ASTN2: variants seen among roughly 807,000 people sequenced by gnomAD.
ASTN2 encodes the protein astrotactin-2.
Under a neutral mutation model 139.8 loss-of-function variants are expected in ASTN2, and 54 were observed. The ratio of observed to expected loss-of-function variants is 0.39; its 90% confidence interval spans 0.31 to 0.48. ASTN2 has a LOEUF of 0.48. Among genes scored for constraint, ASTN2 ranks in the 20% least tolerant of loss-of-function variants. The pLI is 0.95. For missense variants in ASTN2, 1,565 were observed against 1,725.1 expected, an observed-to-expected ratio of 0.91 and a Z score of 1.64; for synonymous variants, 756 against 719.5, an observed-to-expected ratio of 1.05 and a Z score of -0.81.
chr9:116,801,598 AAAAAAAAAAAAAAAAGAAAGAAAG>A (rs1406844565), intron 13 of ASTN2, among the ~76,000 whole-genome samples: 3 of 149,132 alleles, frequency 2.0e-5, no homozygotes, highest in African/African-American at 7.4e-5. Flanking sequence ...AAAAAAAAAA[AAAAAAAAAAAAAAAAGAAAGAAAG>A]AAAAAGAAAG....
chr9:117,154,101 T>G (rs767093729), intron 3 of ASTN2, among the ~76,000 whole-genome samples: 1 of 152,068 alleles, frequency 6.6e-6, no homozygotes, highest in African/African-American at 2.4e-5. Flanking sequence ...ATTAAACATA[T>G]GTAAGTCAAC....
chr9:116,799,710 G>GGT (rs372150988), intron 13 of ASTN2, among the ~76,000 whole-genome samples: 2 of 146,762 alleles, frequency 1.4e-5, no homozygotes, highest in East Asian at 2.2e-4. Flanking sequence ...AGAGAGTGGG[G>GGT]GGGGGGAGAA....
intron 5 of ASTN2, among the ~76,000 whole-genome samples, chr9:117,071,306 T>C (rs1017911647): frequency 1.2e-3 from 175 of 151,874 alleles, no homozygotes; most frequent in African/African-American, 4.0e-3. Flanking sequence ...GGGGGGTGCC[T>C]CCCAGTTAGG....
intron 1 of ASTN2, among the ~76,000 whole-genome samples, chr9:117,382,238 G>A (rs1830292961): frequency 6.6e-6 from 1 of 152,148 alleles, no homozygotes; most frequent in Non-Finnish European, 1.5e-5. Flanking sequence ...TGATGGGGTT[G>A]GCATGTGTGT....
intron 16 of ASTN2, chr9:116,697,571 T>C: frequency 2.5e-6 from 2 of 808,482 alleles, no homozygotes; most frequent in African/African-American, 1.7e-5. Context: ...AATGACTGAA[T>C]GACTGGTCAT....
At chr9:117,393,387 T>C (rs1466925664) in intron 1 of ASTN2, among the ~76,000 whole-genome samples, 1 of 150,918 alleles carries the variant, frequency 6.6e-6, no homozygotes, top group Non-Finnish European at 1.5e-5. Context: ...CACACAGATG[T>C]AGAGAAAGAG....
chr9:117,287,935 G>A (rs1834490801), intron 2 of ASTN2, among the ~76,000 whole-genome samples: 1 of 152,100 alleles, frequency 6.6e-6, no homozygotes, highest in East Asian at 1.9e-4. Flanking sequence ...AGATTGGTAT[G>A]ATCAGTTTTG....
At chr9:117,302,309 C>T (rs1246700209) in intron 1 of ASTN2, among the ~76,000 whole-genome samples, 1 of 152,074 alleles carries the variant, frequency 6.6e-6, no homozygotes, top group East Asian at 1.9e-4. Flanking sequence ...AATGATCTAT[C>T]CCACCCATTT....
At chr9:116,480,442 C>G (rs572807859) in intron 20 of ASTN2, among the ~76,000 whole-genome samples, 1 of 152,096 alleles carries the variant, frequency 6.6e-6, no homozygotes, top group East Asian at 1.9e-4. Flanking sequence ...TCAAATAATT[C>G]GACAAAGATT....
intron 13 of ASTN2, among the ~76,000 whole-genome samples, chr9:116,752,438 A>T (rs1477789480): frequency 2.0e-5 from 3 of 152,210 alleles, no homozygotes; most frequent in Admixed American, 6.5e-5. Context: ...TCTAGGAGAT[A>T]ATATAGGAGA....
At chr9:117,363,449 C>G (rs976979753) in intron 1 of ASTN2, among the ~76,000 whole-genome samples, 4 of 152,174 alleles carry the variant, frequency 2.6e-5, no homozygotes, top group African/African-American at 9.7e-5. Context: ...GGTAACACAG[C>G]ATCTTTATGG....
At chr9:117,079,610 A>G (rs1828371906) in intron 5 of ASTN2, among the ~76,000 whole-genome samples, 1 of 152,140 alleles carries the variant, frequency 6.6e-6, no homozygotes, top group Non-Finnish European at 1.5e-5. Flanking sequence ...TTTCAACTGG[A>G]TATTTACTTT....
rs10983284 is a variant in ASTN2 at position 116,635,277 on chromosome 9, A to G, written c.3073-14834T>C. 0.019 allele frequency among the ~76,000 whole-genome samples: 2,901 copies of G among 152,262 alleles called. 393 individuals carry two copies. The South Asian group carries it at 0.29, about 15-fold the overall frequency. On this transcript the variant is annotated intron_variant, in intron 17 of 22. Coordinates refer to ENST00000313400, the MANE Select transcript of ASTN2 (RefSeq NM_001365068.1). ...ACATCTAAGAAAACGGAGCTCAGGT[A>G]GGCTAAGTTGAATGTACAATGTCAT... is the stretch of plus-strand genomic sequence containing the variant.
At chr9:116,748,636 A>G (rs1444516683) in intron 13 of ASTN2, among the ~76,000 whole-genome samples, 2 of 152,210 alleles carry the variant, frequency 1.3e-5, no homozygotes, top group Non-Finnish European at 2.9e-5. Flanking sequence ...TGGGTCTAGA[A>G]TAAGAGCAGA....
intron 19 of ASTN2, among the ~76,000 whole-genome samples, chr9:116,548,621 C>T (rs953613839): frequency 4.6e-5 from 7 of 152,064 alleles, no homozygotes; most frequent in East Asian, 3.9e-4. Flanking sequence ...TACAGGTGCC[C>T]CCCACTATGC....
At chr9:116,681,513 G>T (rs545931316) in intron 16 of ASTN2, among the ~76,000 whole-genome samples, 115 of 152,184 alleles carry the variant, frequency 7.6e-4, no homozygotes, top group Non-Finnish European at 1.2e-3. Context: ...TCATAGAATT[G>T]GAAAAAACTA....
intron 19 of ASTN2, among the ~76,000 whole-genome samples, chr9:116,491,791 T>C (rs1320575130): frequency 1.3e-5 from 2 of 152,212 alleles, no homozygotes; most frequent in African/African-American, 2.4e-5. Context: ...AGTTCCACAA[T>C]ATAACATACT....
intron 16 of ASTN2, among the ~76,000 whole-genome samples, chr9:116,652,480 A>G (rs1034238998): frequency 5.9e-5 from 9 of 152,366 alleles, no homozygotes; most frequent in African/African-American, 2.2e-4. Context: ...ACCTACAAAA[A>G]GGATATCCTT....
chr9:117,231,976 C>T (rs1046821204), intron 2 of ASTN2, among the ~76,000 whole-genome samples: 3 of 152,160 alleles, frequency 2.0e-5, no homozygotes, highest in Admixed American at 6.5e-5. Flanking sequence ...CAGGGCCCTG[C>T]ACTCGGGGAA....
Sources: allele counts gnomAD v4.1 joint callset (sites outside exome capture counted in the v4.1 genomes callset), GRCh38; gene constraint gnomAD v4.1.1; transcripts MANE v1.5; gene names NCBI Gene and HGNC (gene_info 2026-07-23, HGNC 2026-07-21).